The following DNAJB12 variants were observed in gnomAD, a reference collection of about 807,000 sequenced individuals.
DNAJB12 encodes the protein dnaJ homolog subfamily B member 12.
DNAJB12 carries 14 observed loss-of-function variants against 40.6 expected under a neutral mutation model. The observed-to-expected ratio is 0.34, with a 90% CI of 0.23 to 0.54. The LOEUF (loss-of-function observed/expected upper bound fraction) is 0.54. DNAJB12 is among the 20% of genes least tolerant of loss of function. The probability of loss-of-function intolerance (pLI) is 0.92; values close to 1 mark genes in which losing one functional copy is unlikely to be tolerated. For synonymous variants in DNAJB12, 181 were observed against 199.5 expected (o/e 0.91, Z 0.78); for missense variants, 444 against 501.7 (o/e 0.89, Z 1.10).
intron 5 of DNAJB12, among the ~76,000 whole-genome samples, chr10:72,339,717 C>CTT (rs543639307): frequency 5.2e-4 from 75 of 143,976 alleles, no homozygotes; most frequent in African/African-American, 1.8e-3. Flanking sequence ...AATTTTTATA[C>CTT]TTTTTTTTTT....
Position 72,333,070 on chromosome 10 carries a change from T to C in DNAJB12, c.*1578A>G, listed in dbSNP as rs987091554. On this transcript the variant is annotated 3_prime_UTR_variant, in exon 9 of 9. Transcript: ENST00000444643. ...TCTCTGGGCTGAAGTGGCTGCTTCATTGCAGGGTTGGACCTTGTTTAAAAA... is the reference window on the plus strand; with the variant it reads ...TCTCTGGGCTGAAGTGGCTGCTTCACTGCAGGGTTGGACCTTGTTTAAAAA... 6 of 152,582 alleles carry C rather than the reference T, an allele frequency of 3.9e-5. No individual in the cohort carries two copies. The highest frequency in any genetic ancestry group is 5.9e-5 in the Non-Finnish European group (4 of 68,044). 9.5% of individuals were successfully genotyped at this position (152,582 alleles called of 1,614,324 possible).
chr10:72,352,606 T>A (rs1320238532), intron 1 of DNAJB12, among the ~76,000 whole-genome samples: 5 of 152,210 alleles, frequency 3.3e-5, no homozygotes, highest in Non-Finnish European at 7.3e-5. Flanking sequence ...CCTGATTTTT[T>A]CATGCCTGTC....
chr10:72,335,845 G>T lies in DNAJB12; in HGVS notation c.1093C>A (p.Arg365=), dbSNP rs1445503979. The T allele has an allele frequency of 6.2e-7, 1 of 1,614,166 alleles. No individual in the cohort carries two copies. The highest frequency in any genetic ancestry group is 2.2e-5 in the East Asian group (1 of 44,880). ...AQKMGTPSCS[R]LSEVQASLHG is the part of the protein sequence containing the mutation. ...AGGGAGGCCTGCACCTCTGACAGTC[G>T]GCTGCAGCTGGGGGTGCCCATCTTC... Residue 365 remains arginine, a synonymous_variant, in exon 8 of 9, where the codon CGA becomes AGA. Coordinates refer to ENST00000444643, the MANE Select transcript of DNAJB12 (RefSeq NM_017626.7). This position sits in a 1 kb window ranked among gnomAD's most constrained non-coding sequence, Gnocchi z 4.4.
At chr10:72,342,231 C>T (rs1280000657) in intron 3 of DNAJB12, among the ~76,000 whole-genome samples, 1 of 152,216 alleles carries the variant, frequency 6.6e-6, no homozygotes, top group Non-Finnish European at 1.5e-5. Flanking sequence ...CCAGGGCCCC[C>T]TAGCCGGGAC....
Position 72,334,440 on chromosome 10 carries a change from G to C in DNAJB12, c.*208C>G. 1 of 1,003,468 alleles carries C rather than the reference G, an allele frequency of 1.0e-6. No individual in the cohort carries two copies. The highest frequency in any genetic ancestry group is 1.5e-6 in the Non-Finnish European group (1 of 670,310). 62.2% of individuals were successfully genotyped at this position (1,003,468 alleles called of 1,614,324 possible). A position where few individuals can be genotyped will look rare whatever the true frequency, so the allele number is the denominator to read the frequency against. ...GAGGGAGGGAAGCAGCCCCATGGCA[G>C]GTTTTCTGTCTGTCCTAAGAGCTTT... On this transcript the variant is annotated 3_prime_UTR_variant, in exon 9 of 9. Transcript: ENST00000444643.
chr10:72,333,048 C>T lies in DNAJB12; in HGVS notation c.*1600G>A, dbSNP rs1861359967. On this transcript the variant is annotated 3_prime_UTR_variant, in exon 9 of 9. Transcript: ENST00000444643. ...GGCCACATCAGTTCTTATAATCTCT[C>T]TGGGCTGAAGTGGCTGCTTCATTGC... 1 of 152,640 alleles carries T rather than the reference C, an allele frequency of 6.6e-6. No individual in the cohort carries two copies. Among genetic ancestry groups the T allele is most frequent in the Admixed American group, 6.5e-5 (1 of 15,282 alleles). 9.5% of individuals were successfully genotyped at this position (152,640 alleles called of 1,614,324 possible).
chr10:72,348,057 C>T (rs1477678852), intron 1 of DNAJB12, among the ~76,000 whole-genome samples: 1 of 151,702 alleles, frequency 6.6e-6, no homozygotes, highest in Non-Finnish European at 1.5e-5. Context: ...AACCCCGTCT[C>T]TACTAAAAAT....
chr10:72,342,851 T>C (rs1428809231), intron 3 of DNAJB12, among the ~76,000 whole-genome samples: 3 of 152,230 alleles, frequency 2.0e-5, no homozygotes, highest in African/African-American at 4.8e-5. Context: ...CCTGAGCCAG[T>C]GGGCCCTGAA....
chr10:72,347,928 A>C (rs1861837804), intron 1 of DNAJB12, among the ~76,000 whole-genome samples: 1 of 149,946 alleles, frequency 6.7e-6, no homozygotes, highest in Non-Finnish European at 1.5e-5. Flanking sequence ...AACAAAAACA[A>C]AAACAACCAA....
rs1861453321 is a variant in DNAJB12, at chr10:72,335,733, G to A, written c.*30+47C>T. 2 of 1,590,752 alleles carry A rather than the reference G, an allele frequency of 1.3e-6. No homozygotes were observed. The highest frequency in any genetic ancestry group is 1.7e-5 in the Admixed American group (1 of 58,692). On this transcript the variant is annotated intron_variant, in intron 8 of 8. Coordinates refer to ENST00000444643, the MANE Select transcript of DNAJB12 (RefSeq NM_017626.7). The surrounding 1 kb of genome is among the most constrained non-coding windows in gnomAD (Gnocchi z 4.4). ...CCTCCCTCCTCTGCTCATGACCAGGGCCAAAGCTGCCAGGAGTTGCAGGGT... is the reference window on the plus strand; with the variant it reads ...CCTCCCTCCTCTGCTCATGACCAGGACCAAAGCTGCCAGGAGTTGCAGGGT...
intron 1 of DNAJB12, among the ~76,000 whole-genome samples, chr10:72,351,626 C>T (rs1003129114): frequency 6.6e-6 from 1 of 152,274 alleles, no homozygotes; most frequent in Non-Finnish European, 1.5e-5. Flanking sequence ...ACTGCCTTTT[C>T]CTGTTGCTCC....
rs61852400 is a variant in DNAJB12, at chr10:72,342,700, G to A, written c.457+666C>T. On this transcript the variant is annotated intron_variant, in intron 3 of 8. Transcript: ENST00000444643. ...GGAATGAGAGAAGGAAGACATGGTG[G>A]GAATGAGAGAAGGCAGTAATGTTTG... 9.8e-3 allele frequency among the ~76,000 whole-genome samples: 1,496 copies of A among 152,328 alleles called. 19 individuals are homozygous for A. The highest frequency in any genetic ancestry group is 0.014 in the Non-Finnish European group (945 of 68,026).
chr10:72,337,736 C>T (rs565987375), intron 6 of DNAJB12, among the ~76,000 whole-genome samples: 103 of 152,254 alleles, frequency 6.8e-4, no homozygotes, highest in Non-Finnish European at 1.1e-3. Flanking sequence ...ACTCTAGTGC[C>T]CTGTTCTTTC....
At chr10:72,342,845 A>G (rs1861676566) in intron 3 of DNAJB12, among the ~76,000 whole-genome samples, 1 of 152,244 alleles carries the variant, frequency 6.6e-6, no homozygotes, top group South Asian at 2.1e-4. Flanking sequence ...ACCCATCCTG[A>G]GCCAGTGGGC....
Position 72,340,808 on chromosome 10 carries a change from C to T in DNAJB12, c.704G>A (p.Arg235His), listed in dbSNP as rs778906846. 6.7e-5 allele frequency: 108 copies of T among 1,613,946 alleles called. No individual in the cohort carries two copies. Among genetic ancestry groups the T allele is most frequent in the South Asian group, 1.1e-4 (10 of 91,054 alleles). ...MRYTYQQRQDRRDNQGDGGLG... is the reference protein window; with the variant it reads ...MRYTYQQRQDHRDNQGDGGLG... ...ACTCACATCACCCTGGTTGTCCCTG[C>T]GGTCCTGCCTTTGCTGGTAGGTATA... Residue 235 changes from arginine (R) to histidine (H), a missense_variant, in exon 5 of 9, where the codon CGC becomes CAC. Transcript: ENST00000444643.
At position 72,333,545 on chromosome 10, in the gene DNAJB12, A is replaced by G. The variant is rs1231308515; in HGVS notation, c.*1103T>C. 3 of 149,812 alleles carry G rather than the reference A, an allele frequency of 2.0e-5. No homozygotes were observed. Among genetic ancestry groups the G allele is most frequent in the Non-Finnish European group, 4.4e-5 (3 of 67,888 alleles). The allele number at this position is 149,812 out of a possible 1,614,324, so 9.3% of individuals were successfully genotyped here. ...CCTGGGGTCCCGGCACCACTGACTG[A>G]CTCGGAGGAAGAACTTTCTGAAGTC... is the stretch of plus-strand genomic sequence containing the variant. On this transcript the variant is annotated 3_prime_UTR_variant, in exon 9 of 9. Coordinates refer to ENST00000444643, the MANE Select transcript of DNAJB12 (RefSeq NM_017626.7).
At position 72,341,224 on chromosome 10, in the gene DNAJB12, C is replaced by G; in HGVS notation, c.458-54G>C. 4 of 1,541,620 alleles carry G rather than the reference C, an allele frequency of 2.6e-6. No individual in the cohort carries two copies. The South Asian group carries it at 4.6e-5, about 18-fold the overall frequency. On this transcript the variant is annotated intron_variant, in intron 3 of 8. Transcript: ENST00000444643. ...GAGGATCCTGGGGTGCGGGGGGAGG[C>G]TCCCATGGCAGCCGAGTGCTCACTT...
At chr10:72,343,589 G>A (rs2131992345) in intron 2 of DNAJB12, 78 bp from the exon 3 acceptor site, 2 of 1,524,100 alleles carry the variant, frequency 1.3e-6, no homozygotes, top group Non-Finnish European at 1.8e-6. Flanking sequence ...GCCGTGTGGG[G>A]CGCACAGCTC....
intron 8 of DNAJB12, 34 bp from the exon 9 acceptor site, chr10:72,334,651 T>C: frequency 6.6e-7 from 1 of 1,523,414 alleles, no homozygotes; most frequent in Non-Finnish European, 8.8e-7. Flanking sequence ...TAGCTCGGCA[T>C]TCAGGCGGCA....
Sources: allele counts gnomAD v4.1 joint callset (sites outside exome capture counted in the v4.1 genomes callset), GRCh38; gene constraint gnomAD v4.1.1; non-coding constraint Gnocchi (gnomAD v3.1); transcripts MANE v1.5; gene names NCBI Gene and HGNC (gene_info 2026-07-23, HGNC 2026-07-21).